CPM: variants seen among roughly 807,000 people sequenced by gnomAD.
The protein encoded by CPM is renal carboxypeptidase.
CPM carries 35 observed loss-of-function variants against 46.4 expected under a neutral mutation model. The observed-to-expected ratio is 0.75, with a 90% CI of 0.58 to 1.00. The LOEUF (loss-of-function observed/expected upper bound fraction) is 1.00, where lower values mean the gene tolerates loss of function less well. CPM is among the 50% of genes least tolerant of loss of function. The pLI, the probability that CPM is intolerant of heterozygous loss-of-function variation, is 0.00. For synonymous variants in CPM, 195 were observed against 195.3 expected, an observed-to-expected ratio of 1.00 and a Z score of 0.01; for missense variants, 422 against 530.4, an observed-to-expected ratio of 0.80 and a Z score of 2.01.
chr12:68,844,471 C>T (rs141938174), intron 5 of CPM: 6 of 227,992 alleles, frequency 2.6e-5, no homozygotes, highest in Non-Finnish European at 4.4e-5. Context: ...CCTAAGTGAT[C>T]GTGAATGGTC....
intron 5 of CPM, chr12:68,845,205 TAAAAAG>T (rs895940615): frequency 4.2e-4 from 42 of 100,134 alleles, no homozygotes; most frequent in African/African-American, 6.1e-4. Flanking sequence ...TTGATACTTA[TAAAAAG>T]AAAAAGTATT....
chr12:68,937,226 A>G (rs1187091078), upstream of CPM, among the ~76,000 whole-genome samples: 1 of 152,220 alleles, frequency 6.6e-6, no homozygotes, highest in African/African-American at 2.4e-5. Flanking sequence ...ATATGTTAGG[A>G]GCTTCATAAG....
chr12:68,939,285 A>G (rs1296965716), intron 1 of CPM, among the ~76,000 whole-genome samples: 2 of 147,718 alleles, frequency 1.4e-5, no homozygotes, highest in Non-Finnish European at 3.0e-5. Flanking sequence ...ACATATATAC[A>G]TATAGTATAT....
Position 68,852,344 on chromosome 12 carries a change from G to C in CPM, c.*4093C>G, listed in dbSNP as rs1352433620. On this transcript the variant is annotated 3_prime_UTR_variant, in exon 9 of 9. Coordinates refer to ENST00000551568, the MANE Select transcript of CPM (RefSeq NM_198320.5). ...TTGAGTAGGTATACTCTTTAAGAAGGTATATTATACTGCCTTCAAAATACT... is the reference window on the plus strand; with the variant it reads ...TTGAGTAGGTATACTCTTTAAGAAGCTATATTATACTGCCTTCAAAATACT... 6.6e-6 allele frequency: 1 copy of C among 152,058 alleles called. No individual in the cohort carries two copies. Among genetic ancestry groups the C allele is most frequent in the South Asian group, 2.1e-4 (1 of 4,832 alleles). The allele number at this position is 152,058 out of a possible 1,614,324, so 9.4% of individuals were successfully genotyped here.
rs113978732 is a variant in CPM, at chr12:68,896,076, C to T, written c.161-10187G>A. 9.3e-3 allele frequency among the ~76,000 whole-genome samples: 1,422 copies of T among 152,318 alleles called. 27 individuals carry two copies. The highest frequency in any genetic ancestry group is 0.03 in the African/African-American group (1,265 of 41,550). On this transcript the variant is annotated intron_variant, in intron 2 of 8. Coordinates refer to ENST00000551568, the MANE Select transcript of CPM (RefSeq NM_198320.5). ...TTGGGTTTCCCACCCCAATCCCATACACCAGGCCCTAGCCATTCTTCTTTA... is the reference window on the plus strand; with the variant it reads ...TTGGGTTTCCCACCCCAATCCCATATACCAGGCCCTAGCCATTCTTCTTTA...
chr12:68,894,907 TA>T (rs1886805231), intron 2 of CPM, among the ~76,000 whole-genome samples: 1 of 151,088 alleles, frequency 6.6e-6, no homozygotes, highest in South Asian at 2.1e-4. Context: ...GTGGTGCGTG[TA>T]ATCCCAGCTA....
chr12:68,917,417 G>A (rs948278466), intron 2 of CPM, among the ~76,000 whole-genome samples: 1 of 152,210 alleles, frequency 6.6e-6, no homozygotes, highest in African/African-American at 2.4e-5. Context: ...TAAGTGGAAT[G>A]AATCTATCTG....
At chr12:68,914,562 A>G (rs1234904107) in intron 2 of CPM, among the ~76,000 whole-genome samples, 1 of 152,244 alleles carries the variant, frequency 6.6e-6, no homozygotes, top group African/African-American at 2.4e-5. Flanking sequence ...AATAATAATT[A>G]CAATATTCCA....
intron 3 of CPM, among the ~76,000 whole-genome samples, chr12:68,876,152 A>G (rs1885941497): frequency 6.6e-6 from 1 of 152,350 alleles, no homozygotes; most frequent in Non-Finnish European, 1.5e-5. Flanking sequence ...TTTCAGGGAA[A>G]CAAGTATGTA....
At chr12:68,950,812 A>AC (rs1261939623) in intron 1 of CPM, among the ~76,000 whole-genome samples, 1 of 152,214 alleles carries the variant, frequency 6.6e-6, no homozygotes, top group Non-Finnish European at 1.5e-5. Context: ...GTAGGGAGAT[A>AC]CCATCATGGG....
rs1013123286 is a variant in CPM at position 68,959,874 on chromosome 12, T to C, written c.-4+3295A>G. On this transcript the variant is annotated intron_variant, in intron 1 of 8. Coordinates refer to the CPM transcript ENST00000546373. ...TTCAGCTCTGCTATATCCCCAGGCG[T>C]CTCTCCCAAAATCAGTTTACTTCTC... Among the ~76,000 whole-genome samples, 7 of 152,190 alleles carry C rather than the reference T, an allele frequency of 4.6e-5. No individual in the cohort carries two copies. In the South Asian group the frequency reaches 1.2e-3, roughly 27 times the overall value.
intron 1 of CPM, among the ~76,000 whole-genome samples, chr12:68,962,210 A>AAAAC (rs1555203343): frequency 2.7e-5 from 4 of 146,004 alleles, no homozygotes; most frequent in African/African-American, 1.1e-4. Context: ...AAAAAAAAAA[A>AAAAC]AAAAAAAACC....
chr12:68,912,485 G>C (rs1414723135), intron 2 of CPM, among the ~76,000 whole-genome samples: 1 of 152,124 alleles, frequency 6.6e-6, no homozygotes, highest in Non-Finnish European at 1.5e-5. Flanking sequence ...GTCTAACTTA[G>C]AAACCTATAT....
chr12:68,907,576 A>C (rs1241546864), intron 2 of CPM, among the ~76,000 whole-genome samples: 1 of 152,152 alleles, frequency 6.6e-6, no homozygotes, highest in East Asian at 1.9e-4. Context: ...ATATGGTTTT[A>C]ATGACAAGGG....
intron 2 of CPM, among the ~76,000 whole-genome samples, chr12:68,902,792 G>A (rs1887166060): frequency 1.3e-5 from 2 of 152,152 alleles, no homozygotes; most frequent in Non-Finnish European, 2.9e-5. Flanking sequence ...TTTACTCTAA[G>A]GTTAATGTTC....
chr12:68,909,877 C>T (rs925420466), intron 2 of CPM, among the ~76,000 whole-genome samples: 5 of 151,592 alleles, frequency 3.3e-5, no homozygotes, highest in East Asian at 3.9e-4. Context: ...AGGAGAAATA[C>T]CTAATGTAGG....
intron 1 of CPM, among the ~76,000 whole-genome samples, chr12:68,961,641 T>A (rs1315389990): frequency 6.6e-6 from 1 of 152,030 alleles, no homozygotes; most frequent in Non-Finnish European, 1.5e-5. Flanking sequence ...GAGCCAGGCA[T>A]GGTGGCTCGC....
intron 2 of CPM, among the ~76,000 whole-genome samples, chr12:68,905,119 AG>A (rs1405377314): frequency 6.6e-6 from 1 of 152,124 alleles, no homozygotes; most frequent in Non-Finnish European, 1.5e-5. Context: ...CATGTTGGCC[AG>A]GCTGGTCTTG....
At chr12:68,931,159 C>T (rs1888482412) in intron 2 of CPM, among the ~76,000 whole-genome samples, 2 of 152,156 alleles carry the variant, frequency 1.3e-5, no homozygotes, top group Admixed American at 6.5e-5. Context: ...GTTACTATTA[C>T]ACACAGCCCA....
Sources: gnomAD v4.1 joint callset for allele counts (sites outside exome capture counted in the v4.1 genomes callset) on GRCh38, gnomAD v4.1.1 for gene constraint, MANE v1.5 for transcripts, NCBI Gene and HGNC (gene_info 2026-07-23, HGNC 2026-07-21) for gene names.